Variants in MARCHF1 observed in about 807,000 individuals in gnomAD.
The protein encoded by MARCHF1 is membrane associated ring-CH-type finger 1.
Under a neutral mutation model 54.2 loss-of-function variants are expected in MARCHF1, and 40 were observed. The ratio of observed to expected loss-of-function variants is 0.74; its 90% confidence interval spans 0.57 to 0.96. The LOEUF (loss-of-function observed/expected upper bound fraction) is 0.96, where lower values mean the gene tolerates loss of function less well. MARCHF1 is among the 40% of genes least tolerant of loss of function. The probability of loss-of-function intolerance (pLI) is 0.00; values close to 1 mark genes in which losing one functional copy is unlikely to be tolerated. For synonymous variants in MARCHF1, 236 were observed against 236.3 expected (o/e 1.00, Z 0.01); for missense variants, 586 against 656.5 (o/e 0.89, Z 1.17).
chr4:163,869,320 A>G (rs1379544279), intron 3 of MARCHF1, among the ~76,000 whole-genome samples: 2 of 152,082 alleles, frequency 1.3e-5, no homozygotes, highest in Non-Finnish European at 2.9e-5. Flanking sequence ...TCTTTAGGAA[A>G]TTTGTCACAG....
At position 164,055,967 on chromosome 4, in the gene MARCHF1, C is replaced by T. The variant is rs570702575; in HGVS notation, c.-248+55621G>A. Among the ~76,000 whole-genome samples, 14 of 152,252 alleles carry T rather than the reference C, an allele frequency of 9.2e-5. No individual in the cohort carries two copies. The East Asian group carries it at 2.7e-3, about 29-fold the overall frequency. On this transcript the variant is annotated intron_variant, in intron 2 of 9. Coordinates refer to ENST00000514618, the MANE Select transcript of MARCHF1 (RefSeq NM_001394959.1). ...ACTAAGGAAAAGCGCAAACATCCAC[C>T]TTGCAGAAATAACTTTCAAAGAGCT...
chr4:163,756,154 T>TA (rs1447490246), intron 4 of MARCHF1, among the ~76,000 whole-genome samples: 1 of 152,206 alleles, frequency 6.6e-6, no homozygotes, highest in East Asian at 1.9e-4. Flanking sequence ...AGTTTCTGTT[T>TA]AGACCATCAC....
intron 4 of MARCHF1, among the ~76,000 whole-genome samples, chr4:163,792,672 C>A (rs1747803352): frequency 1.3e-5 from 2 of 152,090 alleles, no homozygotes; most frequent in Admixed American, 1.3e-4. Context: ...CATAATCAGT[C>A]AATCCTGATT....
chr4:163,552,778 A>G (rs1200613977), intron 8 of MARCHF1, among the ~76,000 whole-genome samples: 3 of 152,126 alleles, frequency 2.0e-5, no homozygotes, highest in African/African-American at 7.2e-5. Flanking sequence ...TCAGGCCTGT[A>G]ATCCCAGCAC....
chr4:163,957,444 T>C (rs2110800339), intron 3 of MARCHF1, among the ~76,000 whole-genome samples: 1 of 152,138 alleles, frequency 6.6e-6, no homozygotes, highest in South Asian at 2.1e-4. Context: ...ATACAAAAGT[T>C]CTTATCAAGA....
chr4:163,545,680 C>T lies in MARCHF1; in HGVS notation c.1255G>A (p.Val419Ile), dbSNP rs752184817. 39 of 1,613,998 alleles carry T rather than the reference C, an allele frequency of 2.4e-5. No individual in the cohort carries two copies. The highest frequency in any genetic ancestry group is 4.5e-5 in the East Asian group (2 of 44,864). ...RKIFCSVTFHVIAITCVVWSL... is the reference protein window; with the variant it reads ...RKIFCSVTFHIIAITCVVWSL... The stretch of plus-strand genomic sequence containing the variant: ...CAAACCACACAGGTGATCGCGATTA[C>T]GTGGAATGTGACAGAGCAGAATATT... Residue 419 changes from valine to isoleucine, a missense_variant, in exon 9 of 10, where the codon GTA (valine) becomes ATA (isoleucine). Coordinates refer to ENST00000514618, the MANE Select transcript of MARCHF1 (RefSeq NM_001394959.1).
At chr4:163,853,419 T>A (rs1472404448) in intron 4 of MARCHF1, among the ~76,000 whole-genome samples, 1 of 152,214 alleles carries the variant, frequency 6.6e-6, no homozygotes. Flanking sequence ...AAAATTCCTT[T>A]TGCTAATGAG....
intron 2 of MARCHF1, among the ~76,000 whole-genome samples, chr4:164,101,406 C>T (rs1377204450): frequency 3.3e-5 from 4 of 121,982 alleles, no homozygotes. Context: ...CAGCACGCAG[C>T]TGGAGATCTG....
chr4:164,361,725 A>G (rs1013035986), intron 1 of MARCHF1, among the ~76,000 whole-genome samples: 6 of 152,140 alleles, frequency 3.9e-5, no homozygotes, highest in Non-Finnish European at 7.4e-5. Context: ...TGAGGTTTTC[A>G]TTTTAAACAT....
At chr4:163,689,906 T>C (rs1744390878) in intron 5 of MARCHF1, among the ~76,000 whole-genome samples, 1 of 152,160 alleles carries the variant, frequency 6.6e-6, no homozygotes, top group African/African-American at 2.4e-5. Flanking sequence ...ATTAAAATGG[T>C]CCATTTTATA....
intron 2 of MARCHF1, among the ~76,000 whole-genome samples, chr4:163,995,977 A>C (rs1753067749): frequency 1.3e-5 from 2 of 152,058 alleles, no homozygotes; most frequent in African/African-American, 4.8e-5. Context: ...TACTACTGGG[A>C]ATAGTTCTGA....
At chr4:163,837,179 A>G (rs900056926) in intron 4 of MARCHF1, among the ~76,000 whole-genome samples, 1 of 152,194 alleles carries the variant, frequency 6.6e-6, no homozygotes, top group Non-Finnish European at 1.5e-5. Flanking sequence ...TCAGAAGGAC[A>G]GAATTCTAGA....
chr4:164,027,362 TAAAAAAAAA>T (rs59453843), intron 2 of MARCHF1, among the ~76,000 whole-genome samples: 43 of 10,786 alleles, frequency 4.0e-3, no homozygotes, highest in East Asian at 0.03. Context: ...ATGGTACAGG[TAAAAAAAAA>T]AAAAAAAAAA....
At chr4:164,039,396 G>T (rs1305635347) in intron 2 of MARCHF1, among the ~76,000 whole-genome samples, 1 of 152,102 alleles carries the variant, frequency 6.6e-6, no homozygotes, top group African/African-American at 2.4e-5. Flanking sequence ...TCATGTAACA[G>T]TAAAAACCTA....
At chr4:164,212,583 T>TA (rs1731806562) in intron 1 of MARCHF1, among the ~76,000 whole-genome samples, 1 of 152,220 alleles carries the variant, frequency 6.6e-6, no homozygotes. Context: ...TATTATTTTT[T>TA]ACTCAGAAAA....
chr4:163,780,557 C>T (rs552587698), intron 4 of MARCHF1, among the ~76,000 whole-genome samples: 48 of 151,892 alleles, frequency 3.2e-4, no homozygotes, highest in Non-Finnish European at 5.1e-4. Flanking sequence ...TTTGGTGGTC[C>T]TGAGCAAAAA....
intron 4 of MARCHF1, among the ~76,000 whole-genome samples, chr4:163,759,351 C>T (rs1312573625): frequency 5.3e-5 from 8 of 151,800 alleles, no homozygotes; most frequent in African/African-American, 1.9e-4. Flanking sequence ...GATAATGTGC[C>T]TTAGATATAT....
intron 3 of MARCHF1, chr4:163,932,473 T>C (rs1751698480): frequency 2.7e-6 from 1 of 368,354 alleles, no homozygotes; most frequent in Admixed American, 3.1e-5. Flanking sequence ...TCACAGCATG[T>C]TCACCAGGAG....
At chr4:164,147,401 T>G (rs1442337305) in intron 1 of MARCHF1, among the ~76,000 whole-genome samples, 1 of 142,424 alleles carries the variant, frequency 7.0e-6, no homozygotes, top group African/African-American at 2.9e-5. Context: ...TTATTCACAA[T>G]AGCAAAGACT....
Sources: allele counts gnomAD v4.1 joint callset (sites outside exome capture counted in the v4.1 genomes callset), GRCh38; gene constraint gnomAD v4.1.1; transcripts MANE v1.5; gene names NCBI Gene and HGNC (gene_info 2026-07-23, HGNC 2026-07-21).